Variants in DCC observed in about 807,000 individuals in gnomAD.
DCC encodes the protein netrin receptor DCC.
Under a neutral mutation model 172.5 loss-of-function variants are expected in DCC, and 58 were observed. The ratio of observed to expected loss-of-function variants is 0.34; its 90% CI spans 0.27 to 0.42. DCC has a LOEUF of 0.42. DCC is among the 10% of genes least tolerant of loss of function. The pLI is 1.00. For missense variants in DCC, 1,740 were observed against 1,791.0 expected, an observed-to-expected ratio of 0.97 and a Z score of 0.51; for synonymous variants, 709 against 644.5, an observed-to-expected ratio of 1.10 and a Z score of -1.52.
Position 53,391,727 on chromosome 18 carries a change from C to A in DCC, c.2528C>A (p.Pro843His), listed in dbSNP as rs893327233. Residue 843 changes from proline to histidine, a missense_variant, in exon 17 of 29, where the codon CCC (proline) becomes CAC (histidine). This residue lies in a region of DCC where 1,732 missense variants were observed against 1,767.4 expected (regional missense o/e 0.98). Transcript: ENST00000442544. ...FPTSVPDLST[P>H]MLPPVGVQAV... ...ACCTCGGTCCCAGATCTCTCCACCC[C>A]CATGCTCCCACCAGTAGGTGTACAG... The A allele has an allele frequency of 1.9e-6, 3 of 1,614,142 alleles. No homozygotes were observed. Among genetic ancestry groups the A allele is most frequent in the Non-Finnish European group, 2.5e-6 (3 of 1,180,004 alleles).
intron 1 of DCC, among the ~76,000 whole-genome samples, chr18:52,696,182 T>G (rs2036008778): frequency 6.6e-6 from 1 of 152,214 alleles, no homozygotes; most frequent in African/African-American, 2.4e-5. Flanking sequence ...GAAACATCCT[T>G]AAAGTTATAT....
chr18:52,803,829 A>G (rs1023325522), intron 2 of DCC, among the ~76,000 whole-genome samples: 2 of 152,240 alleles, frequency 1.3e-5, no homozygotes, highest in Non-Finnish European at 2.9e-5. Context: ...AGAATAGGTA[A>G]TGACCTAATA....
intron 28 of DCC, 89 bp downstream of exon 28, chr18:53,526,848 T>TCACCCCCAGGC: frequency 1.0e-6 from 1 of 959,114 alleles, no homozygotes; most frequent in South Asian, 1.3e-5. Context: ...TACTGTCCAT[T>TCACCCCCAGGC]CACCCCAGGC....
At chr18:52,765,761 C>T (rs192206580) in intron 2 of DCC, among the ~76,000 whole-genome samples, 12 of 152,130 alleles carry the variant, frequency 7.9e-5, no homozygotes, top group Admixed American at 2.0e-4. Context: ...TGGGGTAACA[C>T]GGTGGTTAGG....
intron 5 of DCC, among the ~76,000 whole-genome samples, chr18:52,970,534 T>G (rs2041013346): frequency 6.6e-6 from 1 of 152,204 alleles, no homozygotes; most frequent in Non-Finnish European, 1.5e-5. Context: ...AGTGTAAACC[T>G]AAAGACATAT....
intron 28 of DCC, 47 bp downstream of exon 28, chr18:53,526,806 T>TGACG (rs1259923995): frequency 6.2e-7 from 1 of 1,607,580 alleles, no homozygotes; most frequent in Non-Finnish European, 8.5e-7. Flanking sequence ...ACAGATTGAC[T>TGACG]GGCGCTGTGT....
intron 5 of DCC, among the ~76,000 whole-genome samples, chr18:52,985,920 G>A (rs1170089592): frequency 2.6e-5 from 4 of 152,094 alleles, no homozygotes; most frequent in Non-Finnish European, 2.9e-5. Context: ...AATCATCAAT[G>A]GGACTATTAT....
chr18:52,574,933 C>T (rs865947136), intron 1 of DCC, among the ~76,000 whole-genome samples: 4 of 152,152 alleles, frequency 2.6e-5, no homozygotes, highest in Middle Eastern at 3.4e-3. Flanking sequence ...AGTCATAGAC[C>T]TTCTGAATTA....
chr18:53,167,542 AG>A (rs2144429269), intron 8 of DCC, among the ~76,000 whole-genome samples: 1 of 152,300 alleles, frequency 6.6e-6, no homozygotes, highest in South Asian at 2.1e-4. Context: ...GGCATTTCTA[AG>A]GTCACATTAT....
chr18:53,445,994 G>A (rs895872525), intron 22 of DCC, among the ~76,000 whole-genome samples: 25 of 148,328 alleles, frequency 1.7e-4, no homozygotes, highest in South Asian at 2.1e-4. Context: ...GGACCTGGTC[G>A]TTCATGCCTG....
rs1389933990 is a variant in DCC, at chr18:53,486,902, C to A, written c.3842C>A (p.Pro1281His). ...GYPHPQFTLR[P>H]VPFPTLSVDR... ...CCCCACCCGCAGTTCACTCTCCGGC[C>A]TGTGCCATTCCCAACACTCTCAGTG... The change falls in exon 26 of 29, where the codon CCT (proline) becomes CAT (histidine). Residue 1281 changes from proline (P) to histidine (H), a missense_variant. Physicochemically the swap from Pro to His is moderately conservative, Grantham distance 77. Coordinates refer to ENST00000442544, the MANE Select transcript of DCC (RefSeq NM_005215.4). 1 of 1,614,086 alleles carries A rather than the reference C, an allele frequency of 6.2e-7. No homozygotes were observed. The highest frequency in any genetic ancestry group is 1.3e-5 in the African/African-American group (1 of 74,936).
intron 6 of DCC, among the ~76,000 whole-genome samples, chr18:53,064,066 T>C (rs1188440645): frequency 6.6e-6 from 1 of 152,168 alleles, no homozygotes; most frequent in African/African-American, 2.4e-5. Context: ...TTTCCAATAC[T>C]GGAATGAATT....
intron 12 of DCC, among the ~76,000 whole-genome samples, chr18:53,225,332 TTTG>T (rs1397462398): frequency 6.6e-6 from 1 of 152,218 alleles, no homozygotes; most frequent in Non-Finnish European, 1.5e-5. Flanking sequence ...TTCATTTATT[TTTG>T]TTGTTTCATT....
chr18:53,286,459 C>T (rs1026876077), intron 12 of DCC, among the ~76,000 whole-genome samples: 1 of 152,104 alleles, frequency 6.6e-6, no homozygotes, highest in Non-Finnish European at 1.5e-5. Flanking sequence ...GATTGTGAGG[C>T]CTTCTAGTGA....
intron 12 of DCC, among the ~76,000 whole-genome samples, chr18:53,228,253 T>TA (rs199585422): frequency 6.7e-4 from 101 of 151,170 alleles, no homozygotes; most frequent in Middle Eastern, 3.4e-3. Context: ...ACGTTGTTAG[T>TA]AAAAAAATAA....
intron 1 of DCC, among the ~76,000 whole-genome samples, chr18:52,639,280 A>C (rs1449062828): frequency 6.6e-6 from 1 of 152,114 alleles, no homozygotes; most frequent in Non-Finnish European, 1.5e-5. Flanking sequence ...ATCCAACCCA[A>C]ATCAAGCAGA....
At chr18:52,474,857 G>A (rs148384558) in intron 1 of DCC, among the ~76,000 whole-genome samples, 262 of 152,252 alleles carry the variant, frequency 1.7e-3, no homozygotes, top group African/African-American at 6.1e-3. Flanking sequence ...GTGAAATGGG[G>A]ACCCCAACAC....
chr18:52,840,185 C>T (rs1310896909), intron 2 of DCC, among the ~76,000 whole-genome samples: 3 of 152,124 alleles, frequency 2.0e-5, no homozygotes, highest in African/African-American at 4.8e-5. Flanking sequence ...TTTCATTGCC[C>T]AACTGTTCAA....
At chr18:52,828,615 C>G (rs927460408) in intron 2 of DCC, among the ~76,000 whole-genome samples, 5 of 152,020 alleles carry the variant, frequency 3.3e-5, no homozygotes, top group Non-Finnish European at 7.4e-5. Flanking sequence ...GAAAATACTT[C>G]AGTTGTAATG....
Sources: gnomAD v4.1 joint callset for allele counts (sites outside exome capture counted in the v4.1 genomes callset) on GRCh38, gnomAD v4.1.1 for gene constraint, gnomAD v4.1.1 regional missense constraint, MANE v1.5 for transcripts, NCBI Gene and HGNC (gene_info 2026-07-23, HGNC 2026-07-21) for gene names.